The following AHCY variants were observed in gnomAD, a reference collection of about 807,000 sequenced individuals.
AHCY encodes the protein S-adenosyl-L-homocysteine hydrolase.
A neutral mutation model predicts 45.4 loss-of-function variants in AHCY; 24 were observed. That is an observed-to-expected ratio of 0.53 (90% CI 0.38 to 0.74). The LOEUF is 0.74. Ranked by LOEUF, AHCY falls within the 30% of genes least tolerant of loss-of-function variation. The pLI is 0.00. For missense variants in AHCY, 449 were observed against 594.1 expected, an observed-to-expected ratio of 0.76 and a Z score of 2.54; for synonymous variants, 245 against 235.1, an observed-to-expected ratio of 1.04 and a Z score of -0.39.
the AHCY span, among the ~76,000 whole-genome samples, chr20:34,263,901 C>T: frequency 2.0e-5 from 3 of 151,930 alleles, no homozygotes; most frequent in Non-Finnish European, 2.9e-5. Flanking sequence ...GAACTCCTGA[C>T]CTCAGGTGAT....
chr20:34,291,109 G>A (rs887940861), intron 5 of AHCY, among the ~76,000 whole-genome samples, 171 bp from the exon 6 acceptor site: 1 of 152,128 alleles, frequency 6.6e-6, no homozygotes, highest in African/African-American at 2.4e-5. Context: ...CACCCCGATC[G>A]GCTCAAAGAG....
upstream of AHCY, among the ~76,000 whole-genome samples, chr20:34,304,968 G>A (rs1243120499): frequency 2.6e-5 from 4 of 151,348 alleles, no homozygotes; most frequent in South Asian, 2.1e-4. Context: ...GATTACTGGC[G>A]TGAGCCACCG....
the AHCY span, among the ~76,000 whole-genome samples, chr20:34,249,731 A>G: frequency 6.6e-6 from 1 of 152,142 alleles, no homozygotes; most frequent in Non-Finnish European, 1.5e-5. Context: ...TCTTCCCTGC[A>G]CTGAAAGCCA....
chr20:34,302,481 A>C (rs999465947), intron 1 of AHCY: 22 of 534,136 alleles, frequency 4.1e-5, no homozygotes, highest in Non-Finnish European at 5.3e-5. Context: ...ACTGAGGGCA[A>C]GTTACCTCTG....
chr20:34,293,867 G>A (rs181943406), intron 3 of AHCY: 16 of 625,218 alleles, frequency 2.6e-5, no homozygotes, highest in East Asian at 8.5e-5. Flanking sequence ...CTGGTTACAC[G>A]GCTTGACCTG....
At chr20:34,259,633 C>A in the AHCY span, among the ~76,000 whole-genome samples, 1 of 151,952 alleles carries the variant, frequency 6.6e-6, no homozygotes. Context: ...GTAGCCCTAG[C>A]TACTGGGGCA....
rs749094562 is a variant in AHCY, at chr20:34,295,381, G to A, written c.219+14C>T. ...AGGGCAAGGACTCTGGGGTGATACAGCTGTGGGCCTCACCTCAGCACCCAG... is the reference window on the plus strand; with the variant it reads ...AGGGCAAGGACTCTGGGGTGATACAACTGTGGGCCTCACCTCAGCACCCAG... On this transcript the variant is annotated intron_variant, in intron 2 of 9. Coordinates refer to ENST00000217426, the MANE Select transcript of AHCY (RefSeq NM_000687.4). The A allele has an allele frequency of 5.0e-6, 8 of 1,613,760 alleles. No homozygotes were observed. The South Asian group carries it at 5.5e-5, about 11-fold the overall frequency.
chr20:34,235,854 AAGGAAGGAAGGAAAG>A, the AHCY span, among the ~76,000 whole-genome samples: 3 of 47,030 alleles, frequency 6.4e-5, no homozygotes, highest in African/African-American at 8.8e-4. Flanking sequence ...GGAAGGAAGG[AAGGAAGGAAGGAAAG>A]GAAGGAAGGA....
At chr20:34,302,765 T>C (rs557339174) in intron 1 of AHCY, 39 of 991,532 alleles carry the variant, frequency 3.9e-5, no homozygotes, top group African/African-American at 7.0e-5. Flanking sequence ...GGAGCCGGCC[T>C]GGGGCTCGCT....
At chr20:34,237,616 T>C in the AHCY span, among the ~76,000 whole-genome samples, 1 of 152,314 alleles carries the variant, frequency 6.6e-6, no homozygotes, top group East Asian at 1.9e-4. Context: ...TTTTACTCCT[T>C]CCTTTTTAAT....
chr20:34,245,837 G>T, the AHCY span: 1 of 772,784 alleles, frequency 1.3e-6, no homozygotes, highest in Non-Finnish European at 1.6e-6. Flanking sequence ...CAGTTTTACT[G>T]TAGAATATAT....
chr20:34,234,211 T>G, the AHCY span, among the ~76,000 whole-genome samples: 1 of 152,226 alleles, frequency 6.6e-6, no homozygotes, highest in Non-Finnish European at 1.5e-5. Flanking sequence ...TGATCCAGAC[T>G]GTTTGGTGGC....
At position 34,290,898 on chromosome 20, in the gene AHCY, A is replaced by G; in HGVS notation, c.599T>C (p.Ile200Thr). The change falls in exon 6 of 10, where the codon ATA (isoleucine) becomes ACA (threonine). Residue 200 changes from isoleucine (I) to threonine (T), a missense_variant. Physicochemically the swap from Ile to Thr is moderately conservative, Grantham distance 89. Transcript: ENST00000217426. This position sits in a 1 kb window ranked among gnomAD's most constrained non-coding sequence, Gnocchi z 4.5. Reference protein sequence around the residue: ...DNLYGCRESLIDGIKRATDVM... With the variant: ...DNLYGCRESLTDGIKRATDVM... ...ATCTGTGGCCCGCTTGATGCCATCT[A>G]TGAGGGACTCCCGGCAGCCATAGAG... 1 of 1,614,048 alleles carries G rather than the reference A, an allele frequency of 6.2e-7. No homozygotes were observed. Among genetic ancestry groups the G allele is most frequent in the Non-Finnish European group, 8.5e-7 (1 of 1,180,006 alleles).
chr20:34,288,429 C>A (rs962159760), intron 8 of AHCY, among the ~76,000 whole-genome samples: 10 of 152,202 alleles, frequency 6.6e-5, no homozygotes, highest in Admixed American at 5.2e-4. Context: ...CGCCTATAAT[C>A]CCAGCACTTT....
At chr20:34,289,002 T>C (rs775215536) in intron 8 of AHCY, among the ~76,000 whole-genome samples, 68 of 152,288 alleles carry the variant, frequency 4.5e-4, no homozygotes, top group Non-Finnish European at 2.2e-4. Flanking sequence ...TTTTTGTTTT[T>C]TGTTTTTAGT....
At chr20:34,285,296 G>T in intron 9 of AHCY, 144 bp downstream of exon 9, 1 of 854,470 alleles carries the variant, frequency 1.2e-6, no homozygotes. Flanking sequence ...TCAATGGGGA[G>T]AATGACTTCT....
chr20:34,291,170 A>G (rs1406030969), intron 5 of AHCY, among the ~76,000 whole-genome samples: 1 of 152,196 alleles, frequency 6.6e-6, no homozygotes, highest in African/African-American at 2.4e-5. Context: ...GGCATCAGTT[A>G]CTAGGAGAGA....
the AHCY span, among the ~76,000 whole-genome samples, chr20:34,258,807 GAT>G: frequency 2.3e-4 from 23 of 102,010 alleles, no homozygotes; most frequent in South Asian, 8.5e-4. Flanking sequence ...TATAATATAT[GAT>G]ATATATAATA....
the AHCY span, among the ~76,000 whole-genome samples, chr20:34,260,777 C>T: frequency 1.3e-5 from 2 of 152,230 alleles, no homozygotes; most frequent in Non-Finnish European, 2.9e-5. Flanking sequence ...AGTTAAGACA[C>T]TTGGTGAACT....
Sources: gnomAD v4.1 joint callset for allele counts (sites outside exome capture counted in the v4.1 genomes callset) on GRCh38, gnomAD v4.1.1 for gene constraint, Gnocchi (gnomAD v3.1) non-coding constraint, MANE v1.5 for transcripts, NCBI Gene and HGNC (gene_info 2026-07-23, HGNC 2026-07-21) for gene names.